The following PCDHA3 variants were observed in gnomAD, a reference collection of about 807,000 sequenced individuals.
PCDHA3 encodes protocadherin alpha-3.
Under a neutral mutation model 62.2 loss-of-function variants are expected in PCDHA3, and 41 were observed. The ratio of observed to expected loss-of-function variants is 0.66; its 90% CI spans 0.51 to 0.86. The LOEUF (loss-of-function observed/expected upper bound fraction) is 0.86, where lower values mean the gene tolerates loss of function less well. PCDHA3 is among the 40% of genes least tolerant of loss of function. The pLI is 0.00. For synonymous variants in PCDHA3, 640 were observed against 555.4 expected (o/e 1.15, Z -2.14); for missense variants, 1,304 against 1,241.2 (o/e 1.05, Z -0.76).
intron 1 of PCDHA3, among the ~76,000 whole-genome samples, chr5:140,958,752 T>A (rs1423879082): frequency 6.6e-6 from 1 of 152,166 alleles, no homozygotes; most frequent in Non-Finnish European, 1.5e-5. Context: ...AAAGGAGATT[T>A]TTACCCATTT....
At chr5:140,821,368 A>G (rs1554128069) in intron 1 of PCDHA3, among the ~76,000 whole-genome samples, 1 of 152,220 alleles carries the variant, frequency 6.6e-6, no homozygotes, top group African/African-American at 2.4e-5. Flanking sequence ...ATTTTTCTGT[A>G]ATATTTTAAT....
At chr5:140,817,298 G>GAAAGTGCACCAGA (rs1766109472) in intron 1 of PCDHA3, 1 of 152,200 alleles carries the variant, frequency 6.6e-6, no homozygotes, top group Non-Finnish European at 1.5e-5. Flanking sequence ...GGACTATAGG[G>GAAAGTGCACCAGA]AAAGTGCCCC....
chr5:140,821,611 G>A, intron 1 of PCDHA3: 1 of 799,408 alleles, frequency 1.3e-6, no homozygotes, highest in South Asian at 2.1e-5. Flanking sequence ...AATACAGTGA[G>A]TAGATTTTCC....
chr5:140,802,640 C>G lies in PCDHA3; in HGVS notation c.1443C>G (p.Asp481Glu). 6.2e-7 allele frequency: 1 copy of G among 1,613,752 alleles called. No individual in the cohort carries two copies. The highest frequency in any genetic ancestry group is 1.7e-5 in the Admixed American group (1 of 60,024). The change falls in exon 1 of 4, where the codon GAC becomes GAG. Residue 481 changes from aspartate to glutamate, a missense_variant. Physicochemically the swap from Asp to Glu is conservative, Grantham distance 45. Transcript: ENST00000522353. ...ACATCTTCACGGTGTCTGCGCGGGA[C>G]GCGGACGCGCAGGAGAACGCCCTGG... is the stretch of plus-strand genomic sequence containing the variant. Reference protein sequence around the residue: ...GCHIFTVSARDADAQENALVS... With the variant: ...GCHIFTVSAREADAQENALVS...
At chr5:140,810,581 C>T (rs1764688212) in intron 1 of PCDHA3, 1 of 152,044 alleles carries the variant, frequency 6.6e-6, no homozygotes, top group Non-Finnish European at 1.5e-5. Context: ...AGTTGAGTAC[C>T]TTTCTATTTT....
In PCDHA3 at chr5:140,875,574, C is replaced by T. The variant is rs368911944; in HGVS notation, c.2394+71983C>T. On this transcript the variant is annotated intron_variant, in intron 1 of 3. Coordinates refer to ENST00000522353, the MANE Select transcript of PCDHA3 (RefSeq NM_018906.3). ...TGGGGAGCGGCCAGCTCCACTACTC[C>T]GTCTACGAGGAGGCCAAACACGGCA... 7 of 1,613,978 alleles carry T rather than the reference C, an allele frequency of 4.3e-6. No homozygotes were observed. The African/African-American group carries it at 9.3e-5, about 22-fold the overall frequency.
chr5:140,846,031 G>A lies in PCDHA3; in HGVS notation c.2394+42440G>A, dbSNP rs2150383784. On this transcript the variant is annotated intron_variant, in intron 1 of 3. Coordinates refer to ENST00000522353, the MANE Select transcript of PCDHA3 (RefSeq NM_018906.3). ...AATCTAAAAGTTATTACGAGTTTAG[G>A]AAAGTCAAGTTAACACCACCTATGT... 1.1e-4 allele frequency among the ~76,000 whole-genome samples: 16 copies of A among 149,690 alleles called. 2 individuals carry two copies. The highest frequency in any genetic ancestry group is 2.4e-4 in the Non-Finnish European group (16 of 66,844).
intron 1 of PCDHA3, chr5:140,884,356 C>T: frequency 6.2e-7 from 1 of 1,613,936 alleles, no homozygotes; most frequent in South Asian, 1.1e-5. Flanking sequence ...TGGTGGATGT[C>T]AATGTTTACT....
intron 1 of PCDHA3, chr5:140,928,751 C>T (rs1387564129): frequency 6.2e-7 from 1 of 1,614,180 alleles, no homozygotes; most frequent in Non-Finnish European, 8.5e-7. Flanking sequence ...GAGCTCCGTA[C>T]TGCTCGCTTA....
intron 1 of PCDHA3, chr5:140,860,447 A>T (rs1242809569): frequency 6.6e-6 from 1 of 152,198 alleles, no homozygotes; most frequent in East Asian, 1.9e-4. Context: ...TTTCATATTA[A>T]TTCACGTGAT....
At chr5:140,954,498 G>T (rs2095045375) in intron 1 of PCDHA3, among the ~76,000 whole-genome samples, 1 of 152,156 alleles carries the variant, frequency 6.6e-6, no homozygotes, top group Non-Finnish European at 1.5e-5. Context: ...TTGTGGTTTT[G>T]ATTTGCATTT....
intron 1 of PCDHA3, among the ~76,000 whole-genome samples, chr5:140,936,396 A>G (rs983509296): frequency 1.4e-4 from 22 of 152,112 alleles, no homozygotes; most frequent in African/African-American, 5.3e-4. Flanking sequence ...AAACTGGGCT[A>G]CTCAATTTTT....
At position 141,009,794 on chromosome 5, in the gene PCDHA3, A is replaced by G. The variant is rs1314860754; in HGVS notation, c.2710A>G (p.Thr904Ala). 1.2e-6 allele frequency: 2 copies of G among 1,614,042 alleles called. No homozygotes were observed. Among genetic ancestry groups the G allele is most frequent in the South Asian group, 1.1e-5 (1 of 91,076 alleles). Reference protein sequence around the residue: ...PAIISIRQEPTNSQIDKSDFI... With the variant: ...PAIISIRQEPANSQIDKSDFI... ...AATCATCTCCATCCGGCAGGAGCCTACTAACAGCCAAATTGACAAAAGTGA... is the reference window on the plus strand; with the variant it reads ...AATCATCTCCATCCGGCAGGAGCCTGCTAACAGCCAAATTGACAAAAGTGA... The change falls in exon 4 of 4, where the codon ACT (threonine) becomes GCT (alanine). Residue 904 changes from threonine (T) to alanine (A), a missense_variant. Physicochemically the swap from Thr to Ala is moderately conservative, Grantham distance 58. Coordinates refer to ENST00000522353, the MANE Select transcript of PCDHA3 (RefSeq NM_018906.3).
chr5:140,822,412 G>A (rs1554128619), intron 1 of PCDHA3: 1 of 1,614,066 alleles, frequency 6.2e-7, no homozygotes, highest in South Asian at 1.1e-5. Context: ...ATTAGTGATT[G>A]CAACTGATGG....
intron 1 of PCDHA3, chr5:140,835,448 G>C: frequency 1.9e-6 from 3 of 1,613,886 alleles, no homozygotes; most frequent in African/African-American, 1.3e-5. Flanking sequence ...TCACTTCCCT[G>C]TCTCTCCCTA....
intron 1 of PCDHA3, chr5:140,828,088 T>A (rs2150150812): frequency 6.3e-7 from 1 of 1,592,494 alleles, no homozygotes; most frequent in Non-Finnish European, 8.6e-7. Context: ...CAGAGGTATT[T>A]GACATGGTGT....
rs537764090 is a variant in PCDHA3 at position 140,925,273 on chromosome 5, AT to A, written c.2395-53672del. Reference sequence around the variant, plus strand: ...ACTTTAATTCTTGATCTGTGTTCAGATTTTGCCTTTCAAATGTTTCATTATT... The same window carrying A: ...ACTTTAATTCTTGATCTGTGTTCAGATTTGCCTTTCAAATGTTTCATTATT... On this transcript the variant is annotated intron_variant, in intron 1 of 3. Transcript: ENST00000522353. Among the ~76,000 whole-genome samples, 1,221 of 152,228 alleles carry A rather than the reference AT, an allele frequency of 8.0e-3. 6 individuals are homozygous for A. Among genetic ancestry groups the A allele is most frequent in the African/African-American group, 0.019 (789 of 41,534 alleles).
intron 3 of PCDHA3, among the ~76,000 whole-genome samples, chr5:140,991,587 C>T (rs1469333893): frequency 1.3e-5 from 2 of 152,208 alleles, no homozygotes; most frequent in African/African-American, 2.4e-5. Flanking sequence ...CTTATTTCTA[C>T]CTGAGCCCTC....
At chr5:140,973,004 G>A (rs1183511655) in intron 1 of PCDHA3, among the ~76,000 whole-genome samples, 4 of 152,096 alleles carry the variant, frequency 2.6e-5, no homozygotes, top group African/African-American at 9.7e-5. Flanking sequence ...ATTTGTGGTC[G>A]TGGTGTTGTG....
Sources: allele counts gnomAD v4.1 joint callset (sites outside exome capture counted in the v4.1 genomes callset), GRCh38; gene constraint gnomAD v4.1.1; transcripts MANE v1.5; gene names NCBI Gene and HGNC (gene_info 2026-07-23, HGNC 2026-07-21).